Variants in BAALC observed in about 807,000 individuals in gnomAD.
BAALC encodes brain and acute leukemia cytoplasmic protein.
In BAALC, 9 loss-of-function variants were observed where a neutral mutation model predicts 15.5. That is an observed-to-expected ratio of 0.58 (90% confidence interval 0.35 to 1.02). BAALC has a LOEUF of 1.02. Among genes scored for constraint, BAALC ranks in the 50% least tolerant of loss-of-function variants. The pLI, the probability that BAALC is intolerant of heterozygous loss-of-function variation, is 0.02. For synonymous variants in BAALC, 80 were observed against 74.6 expected, an observed-to-expected ratio of 1.07 and a Z score of -0.37; for missense variants, 201 against 192.4, an observed-to-expected ratio of 1.04 and a Z score of -0.27.
chr8:103,155,576 T>A (rs1030433415), intron 1 of BAALC, among the ~76,000 whole-genome samples: 4 of 152,202 alleles, frequency 2.6e-5, no homozygotes, highest in African/African-American at 7.2e-5. Flanking sequence ...ACAGGAGCAG[T>A]GCCTGGAGAG....
At chr8:103,154,657 T>A (rs1273581329) in intron 1 of BAALC, 2 of 37,020 alleles carry the variant, frequency 5.4e-5, no homozygotes, top group African/African-American at 1.2e-4. Context: ...TCAAAGGGCA[T>A]CCCACCTGAT....
chr8:103,140,946 G>C lies in BAALC; in HGVS notation c.49G>C (p.Glu17Gln). ...RADAIEPRYY[E>Q]SWTRETESTW... ...GGATGCCATCGAGCCCCGCTACTAC[G>C]AGAGCTGGACCCGGGAGACAGAATC... Residue 17 changes from glutamate to glutamine, a missense_variant, in exon 1 of 3, where the codon GAG becomes CAG. By Grantham distance (29) the Glu-to-Gln change is conservative. Transcript: ENST00000309982. The surrounding 1 kb of genome is among the most constrained non-coding windows in gnomAD (Gnocchi z 4.2). The C allele has an allele frequency of 4.6e-6, 7 of 1,538,384 alleles. No homozygotes were observed. Among genetic ancestry groups the C allele is most frequent in the East Asian group, 2.6e-5 (1 of 38,664 alleles).
intron 1 of BAALC, among the ~76,000 whole-genome samples, chr8:103,211,372 C>T (rs1812443331): frequency 6.6e-6 from 1 of 152,154 alleles, no homozygotes; most frequent in South Asian, 2.1e-4. Context: ...TATTCAGCTT[C>T]TCTATTGAGG....
chr8:103,222,728 G>C (rs1310732409), intron 2 of BAALC, among the ~76,000 whole-genome samples: 1 of 152,144 alleles, frequency 6.6e-6, no homozygotes, highest in Non-Finnish European at 1.5e-5. Flanking sequence ...AAGTGGATTT[G>C]TTTACGGCTT....
intron 1 of BAALC, among the ~76,000 whole-genome samples, chr8:103,163,633 A>C (rs7009527): frequency 0.097 from 14,693 of 152,164 alleles, 966 homozygotes; most frequent in Non-Finnish European, 0.15. Context: ...GGTTGCAGTG[A>C]ATTGTTCCTT....
At chr8:103,215,777 C>T (rs184043747) in intron 2 of BAALC, among the ~76,000 whole-genome samples, 7 of 152,296 alleles carry the variant, frequency 4.6e-5, no homozygotes, top group South Asian at 4.1e-4. Flanking sequence ...AAACATACTC[C>T]GTCCAAAGTG....
intron 2 of BAALC, among the ~76,000 whole-genome samples, chr8:103,224,689 A>G (rs1812764212): frequency 6.6e-6 from 1 of 151,932 alleles, no homozygotes; most frequent in African/African-American, 2.4e-5. Flanking sequence ...GGAAGGAAGG[A>G]AAAAAAAGGA....
intron 1 of BAALC, among the ~76,000 whole-genome samples, chr8:103,161,647 T>C (rs1024136283): frequency 4.0e-5 from 6 of 151,368 alleles, no homozygotes; most frequent in Non-Finnish European, 7.4e-5. Flanking sequence ...TAAAAAGTGG[T>C]ACAGCTGGGC....
At chr8:103,191,636 G>T (rs558757858) in intron 1 of BAALC, among the ~76,000 whole-genome samples, 2 of 152,202 alleles carry the variant, frequency 1.3e-5, no homozygotes, top group Admixed American at 1.3e-4. Flanking sequence ...CATGCATTTA[G>T]AGTGGGGTCA....
rs563126027 is a variant in BAALC, at chr8:103,150,244, C to T, written c.160+9187C>T. 4.2e-4 allele frequency among the ~76,000 whole-genome samples: 64 copies of T among 152,296 alleles called. 1 individual carries two copies. Among genetic ancestry groups the T allele is most frequent in the Non-Finnish European group, 8.5e-4 (58 of 68,032 alleles). On this transcript the variant is annotated intron_variant, in intron 1 of 2. Coordinates refer to ENST00000309982, the MANE Select transcript of BAALC (RefSeq NM_024812.3). ...CAATTACCTCCCACCTGGCCCCTCCCACAACACGTGGGAATTGTGGGAGAT... is the reference window on the plus strand; with the variant it reads ...CAATTACCTCCCACCTGGCCCCTCCTACAACACGTGGGAATTGTGGGAGAT...
At chr8:103,166,424 T>G (rs974947372) in intron 1 of BAALC, 1 of 152,454 alleles carries the variant, frequency 6.6e-6, no homozygotes, top group Non-Finnish European at 1.5e-5. Context: ...ATATTTTCTT[T>G]GTTTCCAGGG....
chr8:103,198,141 T>C lies in BAALC; in HGVS notation c.161-14778T>C, dbSNP rs569135632. On this transcript the variant is annotated intron_variant, in intron 1 of 2. Transcript: ENST00000309982. ...TACCATCTGACTGCCCTACAGAAAG[T>C]TGGGCATCCCAACCATTGATTTAAA... is the stretch of plus-strand genomic sequence containing the variant. The C allele has an allele frequency of 9.4e-5, 66 of 702,272 alleles. 1 individual carries two copies. Among genetic ancestry groups the C allele is most frequent in the South Asian group, 8.0e-4 (54 of 67,358 alleles). 43.5% of individuals were successfully genotyped at this position (702,272 alleles called of 1,614,324 possible).
intron 1 of BAALC, among the ~76,000 whole-genome samples, chr8:103,149,040 G>A (rs147453338): frequency 0.012 from 1,863 of 152,280 alleles, 121 homozygotes; most frequent in Admixed American, 0.11. Context: ...CTGGGATTCA[G>A]TGAGATGAAG....
chr8:103,191,808 C>T (rs1405847250), intron 1 of BAALC, among the ~76,000 whole-genome samples: 1 of 152,110 alleles, frequency 6.6e-6, no homozygotes, highest in Non-Finnish European at 1.5e-5. Flanking sequence ...AAAGGGGGAG[C>T]TCAAATTAGA....
At chr8:103,169,669 A>C (rs62527639) in intron 1 of BAALC, among the ~76,000 whole-genome samples, 16,015 of 152,248 alleles carry the variant, frequency 0.11, 1,184 homozygotes, top group African/African-American at 0.21. Context: ...CCTGGAGGGC[A>C]CATGCCTGAC....
chr8:103,148,589 C>T (rs1810921342), intron 1 of BAALC, among the ~76,000 whole-genome samples: 1 of 152,170 alleles, frequency 6.6e-6, no homozygotes, highest in Non-Finnish European at 1.5e-5. Context: ...ACTATAGTCA[C>T]CTTATTGTGC....
At position 103,227,861 on chromosome 8, in the gene BAALC, T is replaced by G. The variant is rs572548233; in HGVS notation, c.328-128T>G. The G allele has an allele frequency of 1.1e-3, 733 of 649,170 alleles. 15 individuals are homozygous for G. The South Asian group carries it at 0.014, about 12-fold the overall frequency. 40.2% of individuals were successfully genotyped at this position (649,170 alleles called of 1,614,324 possible). On this transcript the variant is annotated intron_variant, in intron 2 of 2. Transcript: ENST00000309982. The stretch of plus-strand genomic sequence containing the variant: ...AGATCACAAATGTTCCTGTGATTTA[T>G]GTTCCTTTTTCCCAGGCACATTCTC...
intron 1 of BAALC, among the ~76,000 whole-genome samples, chr8:103,212,358 G>C (rs1586435207): frequency 6.6e-6 from 1 of 152,028 alleles, no homozygotes; most frequent in East Asian, 1.9e-4. Context: ...TGAGGTGAGA[G>C]GATCGCTTGA....
chr8:103,192,542 G>C (rs1450416677), intron 1 of BAALC, among the ~76,000 whole-genome samples: 2 of 152,002 alleles, frequency 1.3e-5, no homozygotes, highest in Admixed American at 1.3e-4. Flanking sequence ...ATAGTCAGTT[G>C]CATTTATCAG....
Sources: gnomAD v4.1 joint callset for allele counts (sites outside exome capture counted in the v4.1 genomes callset) on GRCh38, gnomAD v4.1.1 for gene constraint, Gnocchi (gnomAD v3.1) non-coding constraint, MANE v1.5 for transcripts, NCBI Gene and HGNC (gene_info 2026-07-23, HGNC 2026-07-21) for gene names.